Variants in MALRD1 observed in about 807,000 individuals in gnomAD.
MALRD1 encodes the protein MAM and LDL-receptor class A domain-containing protein 1.
Under a neutral mutation model 242.1 loss-of-function variants are expected in MALRD1, and 247 were observed. The ratio of observed to expected loss-of-function variants is 1.02; its 90% CI spans 0.92 to 1.13. The LOEUF is 1.13. Ranked by LOEUF, MALRD1 falls within the 50% of genes most tolerant of loss-of-function variation. MALRD1 has a pLI of 0.00. For synonymous variants in MALRD1, 995 were observed against 866.6 expected (o/e 1.15, Z -2.60); for missense variants, 2,989 against 2,533.1 (o/e 1.18, Z -3.86).
At chr10:19,110,883 A>G (rs1171637363) in intron 5 of MALRD1, among the ~76,000 whole-genome samples, 1 of 152,276 alleles carries the variant, frequency 6.6e-6, no homozygotes, top group Non-Finnish European at 1.5e-5. Context: ...TTCAAAGGAG[A>G]AAAAGGCAAG....
At chr10:19,677,678 C>T (rs1842192346) in intron 36 of MALRD1, among the ~76,000 whole-genome samples, 1 of 152,136 alleles carries the variant, frequency 6.6e-6, no homozygotes, top group African/African-American at 2.4e-5. Context: ...ATAATTAGAT[C>T]CCATTTGTCA....
At chr10:19,144,484 T>A (rs1172740978) in intron 10 of MALRD1, among the ~76,000 whole-genome samples, 1 of 152,224 alleles carries the variant, frequency 6.6e-6, no homozygotes, top group Non-Finnish European at 1.5e-5. Context: ...AGAGTTGACA[T>A]GTCAGTGATA....
chr10:19,412,818 C>A (rs1475694455), intron 28 of MALRD1, among the ~76,000 whole-genome samples: 7 of 152,174 alleles, frequency 4.6e-5, no homozygotes, highest in Admixed American at 4.6e-4. Context: ...TCCTGCTCAT[C>A]TGTCAAGGGG....
intron 10 of MALRD1, among the ~76,000 whole-genome samples, chr10:19,142,391 TCA>T (rs776891056): frequency 1.3e-5 from 2 of 152,128 alleles, no homozygotes; most frequent in Non-Finnish European, 2.9e-5. Flanking sequence ...GTTTCTTATT[TCA>T]CAGAGAGCTG....
chr10:19,663,516 T>C (rs1247121974), intron 36 of MALRD1, among the ~76,000 whole-genome samples: 1 of 152,152 alleles, frequency 6.6e-6, no homozygotes, highest in South Asian at 2.1e-4. Flanking sequence ...TTTAATGTAA[T>C]GGCTTCTTTT....
chr10:19,247,131 C>G (rs567076028), intron 18 of MALRD1, among the ~76,000 whole-genome samples: 18 of 152,138 alleles, frequency 1.2e-4, no homozygotes, highest in African/African-American at 4.3e-4. Flanking sequence ...CCTAGGATCT[C>G]ATGAACTGAA....
rs569293462 is a variant in MALRD1 at position 19,202,265 on chromosome 10, C to A, written c.1952-1463C>A. ...TTTTAGATATATAGATGTATTTATA[C>A]ATTCCCTCTGATTCTGATAAGATTC... On this transcript the variant is annotated intron_variant, in intron 14 of 39. Coordinates refer to ENST00000454679, the MANE Select transcript of MALRD1 (RefSeq NM_001142308.3). Among the ~76,000 whole-genome samples the A allele has an allele frequency of 5.9e-5, 9 of 152,208 alleles. No individual in the cohort carries two copies. The East Asian group carries it at 9.6e-4, about 16-fold the overall frequency.
chr10:19,379,408 GT>G (rs1477893049), intron 26 of MALRD1, among the ~76,000 whole-genome samples: 3 of 151,934 alleles, frequency 2.0e-5, no homozygotes, highest in African/African-American at 7.2e-5. Flanking sequence ...TTTGGATCTT[GT>G]TTTGTTAAAT....
intron 23 of MALRD1, among the ~76,000 whole-genome samples, chr10:19,328,573 A>G (rs948606944): frequency 4.6e-5 from 7 of 152,272 alleles, no homozygotes; most frequent in African/African-American, 1.4e-4. Context: ...AAATACATCT[A>G]CAATCATGTG....
intron 33 of MALRD1, among the ~76,000 whole-genome samples, chr10:19,573,438 TGG>T (rs1249885361): frequency 7.2e-5 from 11 of 152,150 alleles, no homozygotes; most frequent in Non-Finnish European, 1.5e-4. Context: ...AGTGGTCTCA[TGG>T]AAGCCCAGTG....
chr10:19,667,498 G>A (rs545212624), intron 36 of MALRD1, among the ~76,000 whole-genome samples: 30 of 152,158 alleles, frequency 2.0e-4, no homozygotes, highest in Admixed American at 3.9e-4. Flanking sequence ...AGGTGTTTGG[G>A]TCATGGGGAC....
chr10:19,131,262 T>G (rs1833092104), intron 8 of MALRD1, among the ~76,000 whole-genome samples: 1 of 152,162 alleles, frequency 6.6e-6, no homozygotes, highest in Non-Finnish European at 1.5e-5. Context: ...TGAATATCTA[T>G]TACTCTATAA....
intron 29 of MALRD1, among the ~76,000 whole-genome samples, chr10:19,481,064 G>A (rs941268353): frequency 5.3e-5 from 8 of 152,098 alleles, no homozygotes; most frequent in Admixed American, 5.2e-4. Flanking sequence ...TATACATACA[G>A]TTTATGAAGT....
chr10:19,356,010 G>C (rs1017982281), intron 26 of MALRD1, among the ~76,000 whole-genome samples: 2 of 150,452 alleles, frequency 1.3e-5, no homozygotes, highest in Non-Finnish European at 1.5e-5. Context: ...AGTGTAATTC[G>C]GTGGAGACAA....
rs1490712296 is a variant in MALRD1, at chr10:19,094,699, A to T, written c.597+6514A>T. On this transcript the variant is annotated intron_variant, in intron 4 of 39. Coordinates refer to ENST00000454679, the MANE Select transcript of MALRD1 (RefSeq NM_001142308.3). ...GAAAAGGGAATGCTGGGTAATGAGGAAGGAGACTGTTTAAATACTTATTCC... is the reference window on the plus strand; with the variant it reads ...GAAAAGGGAATGCTGGGTAATGAGGTAGGAGACTGTTTAAATACTTATTCC... Among the ~76,000 whole-genome samples, 8 of 152,304 alleles carry T rather than the reference A, an allele frequency of 5.3e-5. No homozygotes were observed. In the East Asian group the frequency reaches 1.4e-3, roughly 26 times the overall value.
chr10:19,685,523 A>G (rs1481638941), intron 36 of MALRD1, among the ~76,000 whole-genome samples: 1 of 152,176 alleles, frequency 6.6e-6, no homozygotes, highest in Non-Finnish European at 1.5e-5. Flanking sequence ...GACCCAATTC[A>G]AACTGGCTCA....
chr10:19,280,383 A>C (rs1156355562), intron 20 of MALRD1, among the ~76,000 whole-genome samples, 160 bp downstream of exon 20: 1 of 152,242 alleles, frequency 6.6e-6, no homozygotes, highest in Non-Finnish European at 1.5e-5. Flanking sequence ...TTGTAATGGA[A>C]GAATCAGAAT....
chr10:19,394,769 T>A (rs551321567), intron 28 of MALRD1, among the ~76,000 whole-genome samples: 1 of 152,282 alleles, frequency 6.6e-6, no homozygotes, highest in African/African-American at 2.4e-5. Flanking sequence ...CTTCTAAAAG[T>A]TTTGGATTTT....
intron 18 of MALRD1, among the ~76,000 whole-genome samples, chr10:19,233,265 GC>G (rs1255658337): frequency 6.6e-6 from 1 of 152,152 alleles, no homozygotes; most frequent in Non-Finnish European, 1.5e-5. Flanking sequence ...TCTTTGGGAG[GC>G]CGAGGTGGGC....
Sources: allele counts gnomAD v4.1 joint callset (sites outside exome capture counted in the v4.1 genomes callset), GRCh38; gene constraint gnomAD v4.1.1; transcripts MANE v1.5; gene names NCBI Gene and HGNC (gene_info 2026-07-23, HGNC 2026-07-21).